ZPBP: variants seen among roughly 807,000 people sequenced by gnomAD.
ZPBP encodes the protein zona pellucida binding protein.
Under a neutral mutation model 44.8 loss-of-function variants are expected in ZPBP, and 26 were observed. The observed-to-expected ratio is 0.58, with a 90% CI of 0.43 to 0.81. The LOEUF (loss-of-function observed/expected upper bound fraction) is 0.81, where lower values mean the gene tolerates loss of function less well. Ranked by LOEUF, ZPBP falls within the 30% of genes least tolerant of loss-of-function variation. The pLI is 0.00. For missense variants in ZPBP, 409 were observed against 434.0 expected (o/e 0.94, Z 0.51); for synonymous variants, 174 against 153.2 (o/e 1.14, Z -1.00).
At chr7:50,024,480 G>T (rs537871700) in intron 5 of ZPBP, among the ~76,000 whole-genome samples, 1 of 151,522 alleles carries the variant, frequency 6.6e-6, no homozygotes, top group African/African-American at 2.4e-5. Context: ...CACACACACA[G>T]AGGAATATTA....
intron 4 of ZPBP, among the ~76,000 whole-genome samples, chr7:50,047,143 T>C (rs2202771): frequency 0.77 from 116,383 of 151,872 alleles, 44,704 homozygotes; most frequent in East Asian, 0.87. Context: ...CAGGGCCTGT[T>C]GGGTGGTGGG....
chr7:49,840,877 C>G, the ZPBP span, among the ~76,000 whole-genome samples: 1 of 152,046 alleles, frequency 6.6e-6, no homozygotes, highest in African/African-American at 2.4e-5. Flanking sequence ...GAGCTGTTGC[C>G]CTGTCTCAAG....
intron 4 of ZPBP, among the ~76,000 whole-genome samples, chr7:50,044,513 A>G (rs1800251573): frequency 6.6e-6 from 1 of 152,202 alleles, no homozygotes; most frequent in Non-Finnish European, 1.5e-5. Flanking sequence ...AGAAATACAA[A>G]CTACCATCAG....
intron 7 of ZPBP, among the ~76,000 whole-genome samples, chr7:49,978,978 A>G (rs1796653929): frequency 6.6e-6 from 1 of 152,136 alleles, no homozygotes; most frequent in African/African-American, 2.4e-5. Context: ...TTATAAATTA[A>G]AATGTTTATT....
rs181684382 is a variant in ZPBP, at chr7:49,851,177, G to A, written n.510-663C>T. On this transcript the variant is annotated intron_variant and non_coding_transcript_variant, in intron 2 of 2. Coordinates refer to the ZPBP transcript ENST00000465922. Reference sequence around the variant, plus strand: ...AGGCTTCACTGCAGGCTCTGCCTCCGTCTTGATGTGGTCTTCTTCTCTGTG... The same window carrying A: ...AGGCTTCACTGCAGGCTCTGCCTCCATCTTGATGTGGTCTTCTTCTCTGTG... Among the ~76,000 whole-genome samples, 11 of 152,258 alleles carry A rather than the reference G, an allele frequency of 7.2e-5. No homozygotes were observed. In the East Asian group the frequency reaches 7.7e-4, roughly 11 times the overall value.
intron 1 of ZPBP, among the ~76,000 whole-genome samples, chr7:49,908,262 A>G (rs1174618762): frequency 6.6e-6 from 1 of 152,148 alleles, no homozygotes; most frequent in African/African-American, 2.4e-5. Context: ...ATAATGAGGC[A>G]TGTCCAACGC....
intron 4 of ZPBP, among the ~76,000 whole-genome samples, chr7:50,037,295 C>G (rs1487598093): frequency 6.6e-6 from 1 of 152,096 alleles, no homozygotes; most frequent in East Asian, 1.9e-4. Flanking sequence ...GTCCTAAGGG[C>G]ATAGAAAAAA....
At chr7:49,977,551 T>TGC (rs2128774471) in intron 7 of ZPBP, among the ~76,000 whole-genome samples, 1 of 152,314 alleles carries the variant, frequency 6.6e-6, no homozygotes, top group African/African-American at 2.4e-5. Flanking sequence ...TATGCTAACC[T>TGC]GCAACCTAAT....
downstream of ZPBP, among the ~76,000 whole-genome samples, chr7:49,845,458 C>A (rs1252608787): frequency 6.6e-6 from 1 of 152,048 alleles, no homozygotes; most frequent in African/African-American, 2.4e-5. Flanking sequence ...GATAGCAAAC[C>A]CTTGACATTT....
intron 3 of ZPBP, among the ~76,000 whole-genome samples, chr7:50,067,654 T>A (rs926358631): frequency 6.6e-6 from 1 of 152,156 alleles, no homozygotes; most frequent in Non-Finnish European, 1.5e-5. Flanking sequence ...TCATCTACCA[T>A]GTCCACCCAG....
chr7:49,914,946 TG>T (rs1284036713), intron 1 of ZPBP: 1 of 152,236 alleles, frequency 6.6e-6, no homozygotes, highest in Non-Finnish European at 1.5e-5. Context: ...TTAAATGATT[TG>T]TTCAAGTTAA....
intron 7 of ZPBP, chr7:49,940,817 G>T: frequency 1.0e-6 from 1 of 985,152 alleles, no homozygotes; most frequent in Non-Finnish European, 1.2e-6. Context: ...CTGTATGAGA[G>T]TCCCATGCCT....
At chr7:49,972,704 A>G (rs2128771092) in intron 7 of ZPBP, among the ~76,000 whole-genome samples, 1 of 152,206 alleles carries the variant, frequency 6.6e-6, no homozygotes, top group African/African-American at 2.4e-5. Flanking sequence ...TGTCAAGCAT[A>G]TTTTTGCAAA....
At chr7:50,026,541 T>C (rs1799343666) in intron 5 of ZPBP, among the ~76,000 whole-genome samples, 1 of 151,846 alleles carries the variant, frequency 6.6e-6, no homozygotes, top group African/African-American at 2.4e-5. Flanking sequence ...AGAGTCTCAG[T>C]AAGTATAAGA....
intron 7 of ZPBP, among the ~76,000 whole-genome samples, chr7:49,954,880 C>G (rs1304950822): frequency 6.6e-6 from 1 of 152,100 alleles, no homozygotes; most frequent in Admixed American, 6.6e-5. Flanking sequence ...TCAGAATAAA[C>G]TTTTTATTCA....
chr7:49,984,248 T>C (rs986075065), intron 6 of ZPBP, among the ~76,000 whole-genome samples: 9 of 152,182 alleles, frequency 5.9e-5, no homozygotes, highest in Non-Finnish European at 1.2e-4. Context: ...GCACCTCATG[T>C]CTACTGAGTT....
intron 1 of ZPBP, among the ~76,000 whole-genome samples, chr7:49,931,370 G>C (rs529031050): frequency 2.0e-5 from 3 of 152,312 alleles, no homozygotes; most frequent in African/African-American, 7.2e-5. Context: ...GAGATGTATT[G>C]AATAGTTTTG....
chr7:49,906,941 T>A (rs915986398), intron 1 of ZPBP, among the ~76,000 whole-genome samples: 2 of 152,076 alleles, frequency 1.3e-5, no homozygotes, highest in Non-Finnish European at 2.9e-5. Flanking sequence ...TAAAAAAAAA[T>A]GTGCTAAGCA....
At chr7:49,906,979 C>A (rs796220407) in intron 1 of ZPBP, among the ~76,000 whole-genome samples, 7 of 152,028 alleles carry the variant, frequency 4.6e-5, no homozygotes, top group African/African-American at 1.7e-4. Context: ...TGCAGGGGGA[C>A]CAGTTTCAAG....
Sources: allele counts gnomAD v4.1 joint callset (sites outside exome capture counted in the v4.1 genomes callset), GRCh38; gene constraint gnomAD v4.1.1; transcripts MANE v1.5; gene names NCBI Gene and HGNC (gene_info 2026-07-23, HGNC 2026-07-21).